CEP85L: variants seen among roughly 807,000 people sequenced by gnomAD.
The protein encoded by CEP85L is centrosomal protein 85L, also known as centrosomal protein of 85 kDa-like.
CEP85L carries 60 observed loss-of-function variants against 100.3 expected under a neutral mutation model. The observed-to-expected ratio is 0.60, with a 90% CI of 0.49 to 0.74. CEP85L has a LOEUF of 0.74. Ranked by LOEUF, CEP85L falls within the 30% of genes least tolerant of loss-of-function variation. CEP85L has a pLI of 0.00. For synonymous variants in CEP85L, 319 were observed against 322.7 expected, an observed-to-expected ratio of 0.99 and a Z score of 0.12; for missense variants, 973 against 936.2, an observed-to-expected ratio of 1.04 and a Z score of -0.51.
intron 2 of CEP85L, among the ~76,000 whole-genome samples, chr6:118,586,441 G>GA (rs947896060): frequency 6.6e-6 from 1 of 152,068 alleles, no homozygotes; most frequent in Non-Finnish European, 1.5e-5. Flanking sequence ...TTTAACCCAG[G>GA]AGATTTGGTA....
At chr6:118,511,770 A>G (rs956760889) in intron 4 of CEP85L, among the ~76,000 whole-genome samples, 1 of 152,126 alleles carries the variant, frequency 6.6e-6, no homozygotes, top group Admixed American at 6.6e-5. Context: ...GTTTTCCAAA[A>G]TTACTTACAA....
chr6:118,583,783 T>C (rs1313145134), intron 2 of CEP85L, among the ~76,000 whole-genome samples: 4 of 152,214 alleles, frequency 2.6e-5, no homozygotes. Context: ...ACCCCAATAT[T>C]AGGAGCACAG....
chr6:118,680,363 A>C (rs1857312), intron 1 of CEP85L, among the ~76,000 whole-genome samples: 60,734 of 139,156 alleles, frequency 0.44, 14,257 homozygotes, highest in African/African-American at 0.55. Flanking sequence ...TTAAAAAAAA[A>C]AATCTGTTAA....
intron 1 of CEP85L, among the ~76,000 whole-genome samples, chr6:118,700,507 G>T (rs1274740209): frequency 6.6e-6 from 1 of 152,156 alleles, no homozygotes; most frequent in African/African-American, 2.4e-5. Flanking sequence ...TCCTTTCTTG[G>T]TCTAGTACTC....
intron 10 of CEP85L, among the ~76,000 whole-genome samples, chr6:118,474,575 T>C (rs1442399783): frequency 2.0e-5 from 3 of 152,280 alleles, no homozygotes; most frequent in East Asian, 3.9e-4. Context: ...GGTTCTACGC[T>C]GGGAGAGGCA....
intron 2 of CEP85L, among the ~76,000 whole-genome samples, chr6:118,629,904 A>C (rs956565392): frequency 1.4e-4 from 22 of 152,164 alleles, no homozygotes; most frequent in African/African-American, 5.1e-4. Context: ...GTGAGAAAAC[A>C]AAAGTCCAAA....
chr6:118,553,932 A>C (rs1778695552), intron 3 of CEP85L, among the ~76,000 whole-genome samples: 2 of 152,302 alleles, frequency 1.3e-5, no homozygotes, highest in South Asian at 2.1e-4. Flanking sequence ...AAAATATTAG[A>C]GCTTACATGT....
At chr6:118,474,693 T>C (rs923210149) in intron 10 of CEP85L, among the ~76,000 whole-genome samples, 1 of 152,216 alleles carries the variant, frequency 6.6e-6, no homozygotes, top group African/African-American at 2.4e-5. Flanking sequence ...CCAATTAACC[T>C]GGCTTAAGAG....
intron 2 of CEP85L, among the ~76,000 whole-genome samples, chr6:118,626,693 A>T (rs958831871): frequency 6.6e-6 from 1 of 152,122 alleles, no homozygotes; most frequent in Non-Finnish European, 1.5e-5. Context: ...ACTCTGCTCA[A>T]TAAAACCTAC....
chr6:118,612,071 T>C (rs556157235), intron 2 of CEP85L, among the ~76,000 whole-genome samples: 1 of 152,182 alleles, frequency 6.6e-6, no homozygotes, highest in East Asian at 1.9e-4. Context: ...ACATCAAATA[T>C]ACCATACGGT....
chr6:118,557,359 A>T (rs894403563), intron 3 of CEP85L, among the ~76,000 whole-genome samples: 2 of 152,238 alleles, frequency 1.3e-5, no homozygotes, highest in African/African-American at 4.8e-5. Context: ...ACTATATGTT[A>T]GAACTTTTAC....
chr6:118,663,857 A>G (rs911399268), intron 1 of CEP85L, among the ~76,000 whole-genome samples: 3 of 151,870 alleles, frequency 2.0e-5, no homozygotes, highest in African/African-American at 7.3e-5. Context: ...TGTAAGTGCT[A>G]TGTAAATAGC....
At chr6:118,497,437 C>G (rs1049533972) in intron 5 of CEP85L, among the ~76,000 whole-genome samples, 1 of 152,108 alleles carries the variant, frequency 6.6e-6, no homozygotes, top group Middle Eastern at 3.2e-3. Flanking sequence ...AAACAAGCTC[C>G]GGGCTCCCAC....
chr6:118,613,577 C>G (rs7773274), intron 2 of CEP85L, among the ~76,000 whole-genome samples: 70,547 of 151,474 alleles, frequency 0.47, 16,903 homozygotes, highest in Middle Eastern at 0.57. Context: ...GTCAACATGG[C>G]AAAATCCTCT....
chr6:118,464,654 T>A lies in CEP85L; in HGVS notation c.*751A>T, dbSNP rs1312906776. On this transcript the variant is annotated 3_prime_UTR_variant, in exon 13 of 13. Coordinates refer to ENST00000368491, the MANE Select transcript of CEP85L (RefSeq NM_001042475.3). ...ATAGTAAGGAACATGTTAAAATTAGTTCAAGTTATGTTAACCTTTCTTGTA... is the reference window on the plus strand; with the variant it reads ...ATAGTAAGGAACATGTTAAAATTAGATCAAGTTATGTTAACCTTTCTTGTA... The A allele has an allele frequency of 2.6e-5, 4 of 151,914 alleles. No individual in the cohort carries two copies. Among genetic ancestry groups the A allele is most frequent in the African/African-American group, 9.7e-5 (4 of 41,380 alleles). 9.4% of individuals were successfully genotyped at this position (151,914 alleles called of 1,614,324 possible).
chr6:118,561,795 T>C (rs1431131386), intron 3 of CEP85L, among the ~76,000 whole-genome samples: 1 of 152,088 alleles, frequency 6.6e-6, no homozygotes, highest in Non-Finnish European at 1.5e-5. Context: ...TTATAGGGGT[T>C]TTTTTGGTGA....
chr6:118,545,521 G>A lies in CEP85L; in HGVS notation c.1020+20008C>T, dbSNP rs1276714504. On this transcript the variant is annotated intron_variant, in intron 3 of 12. Coordinates refer to ENST00000368491, the MANE Select transcript of CEP85L (RefSeq NM_001042475.3). ...GAGAATCGCTTGAACCCGAGAGGGA[G>A]AGGTTGCAGTGAGCTGAGATCGCAC... 5.9e-5 allele frequency among the ~76,000 whole-genome samples: 9 copies of A among 152,196 alleles called. No homozygotes were observed. The East Asian group carries it at 1.5e-3, about 26-fold the overall frequency.
In CEP85L at chr6:118,566,205, C is replaced by G. The variant is rs758310276; in HGVS notation, c.344G>C (p.Arg115Thr). 1.9e-6 allele frequency: 3 copies of G among 1,613,986 alleles called. No individual in the cohort carries two copies. In the East Asian group the frequency reaches 6.7e-5, roughly 36 times the overall value. Residue 115 changes from arginine to threonine, a missense_variant, in exon 3 of 13, where the codon AGG becomes ACG. Physicochemically the swap from Arg to Thr is moderately conservative, Grantham distance 71. Around this residue, in one of 3 missense-constraint regions of CEP85L, gnomAD observed 890 missense variants for 844.5 expected, o/e 1.05. Transcript: ENST00000368491. Reference protein sequence around the residue: ...SNSSASISKLRESLTPDGSKW... With the variant: ...SNSSASISKLTESLTPDGSKW... ...TGAGCCATCTGGTGTCAATGATTCC[C>G]TAAGTTTGGAAATTGAAGCGCTGGA...
chr6:118,682,588 C>T (rs1776701325), intron 1 of CEP85L, among the ~76,000 whole-genome samples: 1 of 151,982 alleles, frequency 6.6e-6, no homozygotes, highest in Admixed American at 6.6e-5. Flanking sequence ...AAAAAGGAAA[C>T]AAGTGGCTTG....
Sources: gnomAD v4.1 joint callset for allele counts (sites outside exome capture counted in the v4.1 genomes callset) on GRCh38, gnomAD v4.1.1 for gene constraint, gnomAD v4.1.1 regional missense constraint, MANE v1.5 for transcripts, NCBI Gene and HGNC (gene_info 2026-07-23, HGNC 2026-07-21) for gene names.